CLNK: variants seen among roughly 807,000 people sequenced by gnomAD.
CLNK encodes cytokine-dependent hematopoietic cell linker.
Under a neutral mutation model 68.6 loss-of-function variants are expected in CLNK, and 74 were observed. That is an observed-to-expected ratio of 1.08 (90% CI 0.89 to 1.31). CLNK has a LOEUF of 1.31. CLNK is among the 50% of genes most tolerant of loss of function. The probability of loss-of-function intolerance (pLI) is 0.00; values close to 1 mark genes in which losing one functional copy is unlikely to be tolerated. For missense variants in CLNK, 553 were observed against 515.3 expected, an observed-to-expected ratio of 1.07 and a Z score of -0.71; for synonymous variants, 198 against 172.2, an observed-to-expected ratio of 1.15 and a Z score of -1.17.
chr4:10,720,387 T>C, the CLNK span, among the ~76,000 whole-genome samples: 2 of 151,838 alleles, frequency 1.3e-5, no homozygotes, highest in Non-Finnish European at 2.9e-5. Context: ...TAAAGACTTC[T>C]CAAAACCCGA....
intron 2 of CLNK, among the ~76,000 whole-genome samples, chr4:10,599,286 A>G (rs1721499065): frequency 6.6e-6 from 1 of 152,202 alleles, no homozygotes; most frequent in Admixed American, 6.5e-5. Flanking sequence ...CTTTATGATG[A>G]CTTGAGGCTC....
At chr4:10,730,386 C>T in the CLNK span, among the ~76,000 whole-genome samples, 14 of 152,254 alleles carry the variant, frequency 9.2e-5, no homozygotes, top group Admixed American at 2.0e-4. Context: ...TGATTGTGCT[C>T]CCTCCAAAAT....
chr4:10,569,264 T>G (rs1029434128), intron 5 of CLNK, among the ~76,000 whole-genome samples: 2 of 150,242 alleles, frequency 1.3e-5, no homozygotes, highest in Non-Finnish European at 2.9e-5. Flanking sequence ...CCATTGGTAC[T>G]GCACAACATT....
intron 11 of CLNK, among the ~76,000 whole-genome samples, chr4:10,535,228 A>AAAGAAAGC (rs1491503696): frequency 2.4e-5 from 2 of 82,388 alleles, no homozygotes; most frequent in Non-Finnish European, 5.2e-5. Flanking sequence ...AGAAAGAAAG[A>AAAGAAAGC]AAGAAAGAAA....
At chr4:10,598,716 T>C (rs759419565) in intron 2 of CLNK, 11 of 433,858 alleles carry the variant, frequency 2.5e-5, no homozygotes, top group Non-Finnish European at 5.1e-5. Flanking sequence ...ATCATTGTTA[T>C]GCATTCCTAG....
At chr4:10,672,003 A>C (rs1420821695) in intron 1 of CLNK, among the ~76,000 whole-genome samples, 1 of 152,148 alleles carries the variant, frequency 6.6e-6, no homozygotes, top group Admixed American at 6.5e-5. Context: ...CTTAGGTCGT[A>C]AGTCAAATAC....
At chr4:10,654,090 C>T (rs763642493) in intron 2 of CLNK, among the ~76,000 whole-genome samples, 4 of 152,084 alleles carry the variant, frequency 2.6e-5, no homozygotes, top group Non-Finnish European at 5.9e-5. Context: ...TACACTGCAA[C>T]TCATTTGATG....
At chr4:10,667,951 A>G in intron 1 of CLNK, 40 bp from the exon 2 acceptor site, 1 of 1,146,002 alleles carries the variant, frequency 8.7e-7, no homozygotes, top group Non-Finnish European at 1.2e-6. Context: ...GAACTTCCAC[A>G]TCATGTTTTA....
At chr4:10,552,187 AACTC>A (rs1719490219) in intron 8 of CLNK, among the ~76,000 whole-genome samples, 1 of 152,054 alleles carries the variant, frequency 6.6e-6, no homozygotes, top group Non-Finnish European at 1.5e-5. Flanking sequence ...AAGCCAAGCT[AACTC>A]ACTCCCCATC....
intron 1 of CLNK, among the ~76,000 whole-genome samples, chr4:10,673,081 C>T (rs1199945159): frequency 6.6e-6 from 1 of 152,182 alleles, no homozygotes; most frequent in Non-Finnish European, 1.5e-5. Context: ...CTAATCATGT[C>T]AAGCATCAAT....
At chr4:10,497,487 C>A (rs1355314547) in intron 18 of CLNK, among the ~76,000 whole-genome samples, 2 of 152,186 alleles carry the variant, frequency 1.3e-5, no homozygotes, top group Non-Finnish European at 2.9e-5. Flanking sequence ...ACATTTGGTT[C>A]TCTCAGGGTT....
At chr4:10,610,771 AACACACACACACACACACACACACACAC>A (rs59809551) in intron 2 of CLNK, among the ~76,000 whole-genome samples, 1 of 144,502 alleles carries the variant, frequency 6.9e-6, no homozygotes. Context: ...ATAAAAAAGC[AACACACACACACACACACACACACACAC>A]ACACACACAC....
At chr4:10,698,927 T>C in the CLNK span, among the ~76,000 whole-genome samples, 1 of 152,140 alleles carries the variant, frequency 6.6e-6, no homozygotes, top group Non-Finnish European at 1.5e-5. Context: ...GGAACTCTTT[T>C]TGTCATGGCG....
intron 4 of CLNK, among the ~76,000 whole-genome samples, chr4:10,582,011 A>T (rs189180495): frequency 5.3e-4 from 81 of 152,286 alleles, no homozygotes; most frequent in African/African-American, 1.8e-3. Context: ...AAACCCTAAC[A>T]TGGGCTAGAA....
chr4:10,528,206 T>G, intron 12 of CLNK, 112 bp from the exon 13 acceptor site: 1 of 440,248 alleles, frequency 2.3e-6, no homozygotes, highest in Non-Finnish European at 3.8e-6. Context: ...GTAAAACTTT[T>G]GTTAGCATAG....
At chr4:10,624,402 C>T (rs1722581292) in intron 2 of CLNK, among the ~76,000 whole-genome samples, 1 of 152,136 alleles carries the variant, frequency 6.6e-6, no homozygotes, top group African/African-American at 2.4e-5. Flanking sequence ...ACGCCATTCT[C>T]CTGCCTCAGC....
At chr4:10,526,788 A>G (rs753246736) in intron 13 of CLNK, among the ~76,000 whole-genome samples, 1 of 152,234 alleles carries the variant, frequency 6.6e-6, no homozygotes, top group Non-Finnish European at 1.5e-5. Flanking sequence ...TAGTAATTAC[A>G]TATGCAATTT....
At chr4:10,603,446 T>C (rs2720375) in intron 2 of CLNK, among the ~76,000 whole-genome samples, 104,211 of 152,110 alleles carry the variant, frequency 0.69, 36,605 homozygotes, top group East Asian at 0.77. Context: ...TATTCTATCC[T>C]CATCCTGCTG....
intron 2 of CLNK, among the ~76,000 whole-genome samples, chr4:10,650,157 A>T (rs1723671016): frequency 6.6e-6 from 1 of 152,212 alleles, no homozygotes; most frequent in Non-Finnish European, 1.5e-5. Flanking sequence ...AAATAAAGAT[A>T]CTTAACTCAT....
Sources: allele counts gnomAD v4.1 joint callset (sites outside exome capture counted in the v4.1 genomes callset), GRCh38; gene constraint gnomAD v4.1.1; transcripts MANE v1.5; gene names NCBI Gene and HGNC (gene_info 2026-07-23, HGNC 2026-07-21).